Variants in SATL1 observed in about 807,000 individuals in gnomAD.
The protein encoded by SATL1 is spermidine/spermine N1-acetyl transferase like 1, also known as spermidine/spermine N(1)-acetyltransferase-like protein 1.
SATL1 carries 47 observed loss-of-function variants against 51.8 expected under a neutral mutation model. The observed-to-expected ratio is 0.91, with a 90% CI of 0.72 to 1.16. The LOEUF (loss-of-function observed/expected upper bound fraction) is 1.16, where lower values mean the gene tolerates loss of function less well. Among genes scored for constraint, SATL1 ranks in the 50% most tolerant of loss-of-function variants. SATL1 has a pLI of 0.00. For missense variants in SATL1, 520 were observed against 526.4 expected, an observed-to-expected ratio of 0.99 and a Z score of 0.12; for synonymous variants, 176 against 182.4, an observed-to-expected ratio of 0.97 and a Z score of 0.28.
chrX:85,213,330 T>C (rs1189160704), intron 2 of SATL1, among the ~76,000 whole-genome samples: 2 of 112,124 alleles, frequency 1.8e-5, no homozygotes, highest in East Asian at 2.8e-4. Context: ...CACTAGCTAA[T>C]TACTGATCAC....
intron 2 of SATL1, among the ~76,000 whole-genome samples, chrX:85,175,946 G>T (rs990130616): frequency 1.2e-4 from 13 of 111,386 alleles, no homozygotes; most frequent in African/African-American, 4.2e-4. Context: ...AATTATATGG[G>T]TCAGCATTCT....
At chrX:85,136,152 T>C (rs749886062) in intron 2 of SATL1, among the ~76,000 whole-genome samples, 12 of 110,094 alleles carry the variant, frequency 1.1e-4, no homozygotes, top group African/African-American at 9.9e-5. Flanking sequence ...GAGTGCAATT[T>C]AATGAAACAT....
chrX:85,138,489 G>T (rs1053157230), intron 2 of SATL1, among the ~76,000 whole-genome samples: 1 of 111,463 alleles, frequency 9.0e-6, no homozygotes, highest in Non-Finnish European at 1.9e-5. Context: ...AATGTGACTC[G>T]GGAGTTTTTT....
chrX:85,111,319 A>T (rs1925252504), intron 2 of SATL1, among the ~76,000 whole-genome samples: 1 of 112,467 alleles, frequency 8.9e-6, no homozygotes, highest in Non-Finnish European at 1.9e-5. Context: ...TTTTTAAATA[A>T]TATTGGGTTT....
At chrX:85,166,297 A>C (rs947772295) in intron 2 of SATL1, among the ~76,000 whole-genome samples, 5 of 111,995 alleles carry the variant, frequency 4.5e-5, no homozygotes, top group African/African-American at 1.6e-4. Context: ...AATTAAACTA[A>C]AAAGGGTCTG....
intron 2 of SATL1, among the ~76,000 whole-genome samples, chrX:85,112,847 A>G (rs1169691704): frequency 4.5e-5 from 5 of 111,117 alleles, no homozygotes; most frequent in Non-Finnish European, 9.4e-5. Context: ...CTGCCTGACC[A>G]TCACCTGATG....
At chrX:85,112,480 C>T (rs1028330812) in intron 2 of SATL1, among the ~76,000 whole-genome samples, 1 of 111,507 alleles carries the variant, frequency 9.0e-6, no homozygotes, top group Non-Finnish European at 1.9e-5. Flanking sequence ...GACTTACTTC[C>T]GGGGTCTTAT....
intron 2 of SATL1, among the ~76,000 whole-genome samples, chrX:85,144,609 G>T (rs1926186298): frequency 8.9e-6 from 1 of 112,195 alleles, no homozygotes; most frequent in Non-Finnish European, 1.9e-5. Flanking sequence ...CGTAAGAAAG[G>T]TTCCTACTGA....
At chrX:85,233,990 GATATCTAATA>G (rs1423215557) in intron 1 of SATL1, among the ~76,000 whole-genome samples, 1 of 111,042 alleles carries the variant, frequency 9.0e-6, no homozygotes, top group Non-Finnish European at 1.9e-5. Context: ...ACTACCTTAA[GATATCTAATA>G]ATCAAATTTC....
chrX:85,230,559 G>A (rs981509709), intron 1 of SATL1, among the ~76,000 whole-genome samples: 1 of 112,062 alleles, frequency 8.9e-6, no homozygotes, highest in Admixed American at 9.5e-5. Flanking sequence ...AACCAAGATA[G>A]ACAAGTGGGA....
chrX:85,132,268 C>T lies in SATL1; in HGVS notation c.-312-22988G>A, dbSNP rs935772674. Among the ~76,000 whole-genome samples, 12 of 111,970 alleles carry T rather than the reference C, an allele frequency of 1.1e-4. No individual in the cohort carries two copies. The South Asian group carries it at 1.1e-3, about 11-fold the overall frequency. ...TTTTCCAGCTTAGTTCCATTCTCCTCGTCACTTTCAGGTACACCAATCAAA... is the reference window on the plus strand; with the variant it reads ...TTTTCCAGCTTAGTTCCATTCTCCTTGTCACTTTCAGGTACACCAATCAAA... On this transcript the variant is annotated intron_variant, in intron 2 of 7. Coordinates refer to ENST00000644105, the MANE Select transcript of SATL1 (RefSeq NM_001367857.2).
intron 2 of SATL1, among the ~76,000 whole-genome samples, chrX:85,155,755 C>T (rs1431400158): frequency 9.0e-6 from 1 of 111,423 alleles, no homozygotes; most frequent in Admixed American, 9.6e-5. Flanking sequence ...ACTCAATTCC[C>T]TGCCCCATAA....
At chrX:85,096,262 A>G (rs1924719249) in intron 4 of SATL1, among the ~76,000 whole-genome samples, 1 of 111,094 alleles carries the variant, frequency 9.0e-6, no homozygotes, top group Non-Finnish European at 1.9e-5. Context: ...ACTGAAATGA[A>G]AAAAAAATGC....
Position 85,228,492 on chromosome X carries a change from C to T in SATL1, c.-434-4166G>A, listed in dbSNP as rs150191794. ...CTCTGCCTCCTTTAGAAGAAAATCCCTCAAAGGAGTTTTCTTGATTTCTAG... is the reference window on the plus strand; with the variant it reads ...CTCTGCCTCCTTTAGAAGAAAATCCTTCAAAGGAGTTTTCTTGATTTCTAG... On this transcript the variant is annotated intron_variant, in intron 1 of 7. Coordinates refer to ENST00000644105, the MANE Select transcript of SATL1 (RefSeq NM_001367857.2). 2.0e-3 allele frequency among the ~76,000 whole-genome samples: 220 copies of T among 111,437 alleles called. 1 individual carries two copies. Among genetic ancestry groups the T allele is most frequent in the Middle Eastern group, 9.3e-3 (2 of 215 alleles).
intron 2 of SATL1, among the ~76,000 whole-genome samples, chrX:85,176,316 A>C (rs1927080615): frequency 8.9e-6 from 1 of 111,934 alleles, no homozygotes. Context: ...TGGCAATTAC[A>C]AATGCATATA....
intron 2 of SATL1, chrX:85,210,634 A>G (rs1390229243): frequency 9.0e-6 from 1 of 110,691 alleles, no homozygotes; most frequent in East Asian, 2.9e-4. Flanking sequence ...TAAGTCCACC[A>G]TGGAAGGAAA....
intron 2 of SATL1, among the ~76,000 whole-genome samples, chrX:85,144,176 G>T: frequency 9.0e-6 from 1 of 111,575 alleles, no homozygotes; most frequent in Middle Eastern, 4.6e-3. Flanking sequence ...GGAGCATTTT[G>T]GCCCAGTGAA....
At chrX:85,146,212 A>G (rs935528475) in intron 2 of SATL1, among the ~76,000 whole-genome samples, 3 of 111,862 alleles carry the variant, frequency 2.7e-5, no homozygotes, top group African/African-American at 6.5e-5. Flanking sequence ...GTATATTCTT[A>G]TAATTACTCT....
At chrX:85,168,894 G>A (rs889593224) in intron 2 of SATL1, among the ~76,000 whole-genome samples, 6 of 111,368 alleles carry the variant, frequency 5.4e-5, no homozygotes, top group East Asian at 2.8e-4. Flanking sequence ...TACAGTAACC[G>A]AAACAGCATA....
Sources: gnomAD v4.1 joint callset for allele counts (sites outside exome capture counted in the v4.1 genomes callset) on GRCh38, gnomAD v4.1.1 for gene constraint, MANE v1.5 for transcripts, NCBI Gene and HGNC (gene_info 2026-07-23, HGNC 2026-07-21) for gene names.